The following ESRRG variants were observed in gnomAD, a reference collection of about 807,000 sequenced individuals.
ESRRG encodes the protein estrogen-related receptor gamma.
A neutral mutation model predicts 44.0 loss-of-function variants in ESRRG; 13 were observed. The ratio of observed to expected loss-of-function variants is 0.30; its 90% CI spans 0.19 to 0.47. The LOEUF is 0.47. Ranked by LOEUF, ESRRG falls within the 20% of genes least tolerant of loss-of-function variation. The pLI, the probability that ESRRG is intolerant of heterozygous loss-of-function variation, is 1.00. For missense variants in ESRRG, 395 were observed against 580.6 expected (o/e 0.68, Z 3.29); for synonymous variants, 215 against 214.6 (o/e 1.00, Z -0.02).
At chr1:217,026,413 C>T (rs2081184133) in intron 1 of ESRRG, among the ~76,000 whole-genome samples, 1 of 152,198 alleles carries the variant, frequency 6.6e-6, no homozygotes, top group Non-Finnish European at 1.5e-5. Flanking sequence ...GAAGACACCA[C>T]TCACAGTTAA....
intron 2 of ESRRG, among the ~76,000 whole-genome samples, chr1:216,765,111 A>AGT (rs1209651109): frequency 6.6e-5 from 10 of 152,182 alleles, no homozygotes; most frequent in African/African-American, 2.2e-4. Context: ...GCCAAGTGGA[A>AGT]GTGAGAAAAC....
chr1:216,582,046 C>T (rs1295058519), intron 3 of ESRRG, among the ~76,000 whole-genome samples: 2 of 152,070 alleles, frequency 1.3e-5, no homozygotes, highest in African/African-American at 2.4e-5. Flanking sequence ...TTTATTTAGG[C>T]CCTCCATTAT....
intron 1 of ESRRG, among the ~76,000 whole-genome samples, chr1:216,699,957 G>T (rs1051897787): frequency 6.6e-6 from 1 of 152,124 alleles, no homozygotes; most frequent in Non-Finnish European, 1.5e-5. Context: ...TATCAGAAAA[G>T]GTATATGACC....
chr1:216,990,270 G>T (rs183614142), intron 1 of ESRRG, among the ~76,000 whole-genome samples: 3 of 152,234 alleles, frequency 2.0e-5, no homozygotes, highest in Admixed American at 6.5e-5. Flanking sequence ...TTTCCAAACT[G>T]AACCAATGAG....
chr1:216,767,376 C>A (rs773136794), intron 2 of ESRRG, among the ~76,000 whole-genome samples: 1 of 152,026 alleles, frequency 6.6e-6, no homozygotes, highest in Admixed American at 6.6e-5. Flanking sequence ...TTTGAGCCTA[C>A]GGACTCAAAT....
intron 2 of ESRRG, among the ~76,000 whole-genome samples, chr1:216,856,587 A>C (rs1404749428): frequency 1.3e-5 from 2 of 152,238 alleles, no homozygotes; most frequent in African/African-American, 2.4e-5. Flanking sequence ...CACACAAGTA[A>C]AACTAATTTA....
chr1:216,826,919 A>G (rs1473252479), intron 2 of ESRRG, among the ~76,000 whole-genome samples: 1 of 152,110 alleles, frequency 6.6e-6, no homozygotes, highest in African/African-American at 2.4e-5. Context: ...AGTATCTACA[A>G]TTTTCATGAG....
At chr1:216,634,588 T>C (rs2064907723) in intron 3 of ESRRG, among the ~76,000 whole-genome samples, 1 of 152,160 alleles carries the variant, frequency 6.6e-6, no homozygotes. Flanking sequence ...GCTCCAGTAC[T>C]TAAAAATCGT....
intron 3 of ESRRG, among the ~76,000 whole-genome samples, chr1:216,648,218 G>C (rs2068065392): frequency 6.6e-6 from 1 of 152,116 alleles, no homozygotes; most frequent in African/African-American, 2.4e-5. Context: ...TTTAGATGCA[G>C]GGTACAATGC....
At chr1:216,603,826 G>A (rs1201231166) in intron 3 of ESRRG, among the ~76,000 whole-genome samples, 3 of 151,782 alleles carry the variant, frequency 2.0e-5, no homozygotes, top group Admixed American at 6.6e-5. Flanking sequence ...TACTCGGCGG[G>A]ATGAGATGAG....
At chr1:216,811,579 G>C (rs994786572) in intron 2 of ESRRG, among the ~76,000 whole-genome samples, 1 of 152,158 alleles carries the variant, frequency 6.6e-6, no homozygotes, top group Non-Finnish European at 1.5e-5. Context: ...TCTTCTTGAG[G>C]ATTAGGCTCC....
rs1198308881 is a variant in ESRRG, at chr1:216,506,953, C to G, written c.1363G>C (p.Glu455Gln). The change falls in exon 7 of 7, where the codon GAG becomes CAG. Residue 455 changes from glutamate to glutamine, a missense_variant. By Grantham distance (29) the Glu-to-Gln change is conservative. Coordinates refer to ENST00000408911, the MANE Select transcript of ESRRG (RefSeq NM_001438.4). ...PMHKLFLEMLEAKV is the reference protein window; with the variant it reads ...PMHKLFLEMLQAKV ...GGAGCTTTTAGTCAGACCTTGGCCT[C>G]CAACATTTCCAAAAAAAGTTTGTGC... The G allele has an allele frequency of 6.2e-7, 1 of 1,613,840 alleles. No homozygotes were observed. Among genetic ancestry groups the G allele is most frequent in the African/African-American group, 1.3e-5 (1 of 74,896 alleles).
At chr1:216,751,768 G>C (rs1038935925) in intron 2 of ESRRG, among the ~76,000 whole-genome samples, 2 of 152,062 alleles carry the variant, frequency 1.3e-5, no homozygotes, top group African/African-American at 4.8e-5. Context: ...AGAATCATTG[G>C]TGATAACCTT....
chr1:216,523,597 T>A (rs2046772119), intron 5 of ESRRG, among the ~76,000 whole-genome samples: 1 of 151,940 alleles, frequency 6.6e-6, no homozygotes, highest in South Asian at 2.1e-4. Context: ...AAAAAATATC[T>A]GACGGCTAGT....
chr1:216,910,925 T>C (rs935751018), intron 2 of ESRRG, among the ~76,000 whole-genome samples: 7 of 152,194 alleles, frequency 4.6e-5, no homozygotes, highest in African/African-American at 7.2e-5. Flanking sequence ...CACAGGTAAC[T>C]CTACACTTCA....
intron 2 of ESRRG, among the ~76,000 whole-genome samples, chr1:216,660,822 C>T (rs1471387861): frequency 6.6e-6 from 1 of 152,114 alleles, no homozygotes; most frequent in African/African-American, 2.4e-5. Flanking sequence ...AAAAAGAAAT[C>T]CCTTAACTTG....
chr1:217,126,620 C>T (rs1434725775), intron 1 of ESRRG, among the ~76,000 whole-genome samples: 3 of 152,102 alleles, frequency 2.0e-5, no homozygotes, highest in Non-Finnish European at 4.4e-5. Context: ...AAAAAGCAGA[C>T]TCTTTAATCT....
At chr1:216,957,977 G>T (rs1359278399) in intron 1 of ESRRG, among the ~76,000 whole-genome samples, 1 of 152,002 alleles carries the variant, frequency 6.6e-6, no homozygotes, top group Non-Finnish European at 1.5e-5. Context: ...TCTGATTCCT[G>T]CTATGAAAGT....
rs980471854 is a variant in ESRRG at position 216,900,776 on chromosome 1, A to G, written c.-14+38806T>C. The stretch of plus-strand genomic sequence containing the variant: ...AAGGGCTCACAGGTAATCATAATAC[A>G]TTTACTATATCTGTATCTTTAAATT... On this transcript the variant is annotated intron_variant, in intron 2 of 7. Coordinates refer to the ESRRG transcript ENST00000359162. 1.2e-4 allele frequency among the ~76,000 whole-genome samples: 18 copies of G among 152,284 alleles called. 1 individual carries two copies. Among genetic ancestry groups the G allele is most frequent in the African/African-American group, 4.1e-4 (17 of 41,562 alleles).
Sources: gnomAD v4.1 joint callset for allele counts (sites outside exome capture counted in the v4.1 genomes callset) on GRCh38, gnomAD v4.1.1 for gene constraint, MANE v1.5 for transcripts, NCBI Gene and HGNC (gene_info 2026-07-23, HGNC 2026-07-21) for gene names.